Variants in SYNE1 observed in about 807,000 individuals in gnomAD.
SYNE1 encodes the protein nesprin-1.
Under a neutral mutation model 1,111.0 loss-of-function variants are expected in SYNE1, and 616 were observed. The observed-to-expected ratio is 0.55, with a 90% CI of 0.52 to 0.59. The LOEUF is 0.59. SYNE1 is among the 20% of genes least tolerant of loss of function. The pLI, the probability that SYNE1 is intolerant of heterozygous loss-of-function variation, is 0.00. For synonymous variants in SYNE1, 3,855 were observed against 3,825.8 expected (o/e 1.01, Z -0.28); for missense variants, 10,006 against 10,417.0 (o/e 0.96, Z 1.72).
chr6:152,376,471 C>T lies in SYNE1; in HGVS notation c.9234G>A (p.Gln3078=). Residue 3078 remains glutamine, a synonymous_variant, in exon 58 of 146, where the codon CAG becomes CAA. Transcript: ENST00000367255. ...RFRKAFRDFQ[Q]WLVNAKITTA... ...TAGTGATTTTTGCATTAACCAACCA[C>T]TGCTGGAAATCCCTGAAGGCCTTTC... 1 of 1,614,210 alleles carries T rather than the reference C, an allele frequency of 6.2e-7. No homozygotes were observed. The highest frequency in any genetic ancestry group is 8.5e-7 in the Non-Finnish European group (1 of 1,180,042).
chr6:152,597,362 C>T (rs929263533), intron 3 of SYNE1, among the ~76,000 whole-genome samples: 1 of 152,178 alleles, frequency 6.6e-6, no homozygotes, highest in Non-Finnish European at 1.5e-5. Flanking sequence ...ACTGCAGCCT[C>T]GACCTTGTGG....
At position 152,385,509 on chromosome 6, in the gene SYNE1, T is replaced by C. The variant is rs1192783140; in HGVS notation, c.8652+165A>G. Among the ~76,000 whole-genome samples, 5 of 152,360 alleles carry C rather than the reference T, an allele frequency of 3.3e-5. No individual in the cohort carries two copies. The East Asian group carries it at 9.6e-4, about 29-fold the overall frequency. On this transcript the variant is annotated intron_variant, in intron 55 of 145. Coordinates refer to ENST00000367255, the MANE Select transcript of SYNE1 (RefSeq NM_182961.4). Reference sequence around the variant, plus strand: ...TTGTGCTCATAAGTGTAAAGTCTTTTGAATTCTTCTCATGACTCTTGTTTA... The same window carrying C: ...TTGTGCTCATAAGTGTAAAGTCTTTCGAATTCTTCTCATGACTCTTGTTTA...
At position 152,220,997 on chromosome 6, in the gene SYNE1, C is replaced by G. The variant is rs202121741; in HGVS notation, c.21706G>C (p.Ala7236Pro). 6.2e-7 allele frequency: 1 copy of G among 1,614,136 alleles called. No homozygotes were observed. The highest frequency in any genetic ancestry group is 8.5e-7 in the Non-Finnish European group (1 of 1,179,998). The change falls in exon 119 of 146, where the codon GCC becomes CCC. Residue 7236 changes from alanine to proline, a missense_variant. By Grantham distance (27) the Ala-to-Pro change is conservative. Transcript: ENST00000367255. ...TATCTTTGCCAAAGCTGAAGTAGGG[C>G]CTTGCTGGACTGTAGCTGCTCAGCA... Reference protein sequence around the residue: ...EIAEQLQSSKALLQLWQRYKD... With the variant: ...EIAEQLQSSKPLLQLWQRYKD...
intron 3 of SYNE1, among the ~76,000 whole-genome samples, chr6:152,587,475 T>C (rs2099543906): frequency 6.6e-6 from 1 of 152,082 alleles, no homozygotes; most frequent in South Asian, 2.1e-4. Flanking sequence ...AGACCAATAT[T>C]GGAGAAAATC....
At chr6:152,461,981 T>C (rs1205759639) in intron 20 of SYNE1, among the ~76,000 whole-genome samples, 2 of 152,136 alleles carry the variant, frequency 1.3e-5, no homozygotes, top group Non-Finnish European at 2.9e-5. Context: ...AAATGATCTT[T>C]GTACTTTCCA....
chr6:152,401,548 A>G (rs1037859015), intron 46 of SYNE1, among the ~76,000 whole-genome samples: 6 of 152,154 alleles, frequency 3.9e-5, no homozygotes, highest in African/African-American at 1.4e-4. Flanking sequence ...TAGAAAGAGG[A>G]AGGATTGTGT....
intron 48 of SYNE1, 62 bp from the exon 49 acceptor site, chr6:152,398,793 A>C (rs2097771951): frequency 2.3e-6 from 3 of 1,279,234 alleles, no homozygotes; most frequent in Non-Finnish European, 3.3e-6. Context: ...AAAACATTGA[A>C]TGGGCTCCCA....
At chr6:152,603,490 C>T (rs974679560) in intron 3 of SYNE1, among the ~76,000 whole-genome samples, 2 of 151,980 alleles carry the variant, frequency 1.3e-5, no homozygotes, top group African/African-American at 4.8e-5. Context: ...ACATAAGTTT[C>T]CTTTCAGAAC....
chr6:152,571,683 T>C (rs2099459660), intron 3 of SYNE1, among the ~76,000 whole-genome samples: 1 of 152,122 alleles, frequency 6.6e-6, no homozygotes, highest in African/African-American at 2.4e-5. Context: ...AGAAAATGGG[T>C]CTCAGGAAAC....
At chr6:152,394,389 A>T (rs1299295784) in intron 51 of SYNE1, among the ~76,000 whole-genome samples, 15 of 151,752 alleles carry the variant, frequency 9.9e-5, no homozygotes. Context: ...TCTTATGTAG[A>T]TGCACTGGCT....
intron 111 of SYNE1, 34 bp downstream of exon 111, chr6:152,234,634 G>A (rs772831018): frequency 5.6e-6 from 9 of 1,613,722 alleles, no homozygotes; most frequent in Middle Eastern, 3.3e-4. Context: ...TAACTTATAG[G>A]CCTGAATCAA....
chr6:152,169,705 G>A (rs185070754), intron 130 of SYNE1, among the ~76,000 whole-genome samples: 1 of 150,402 alleles, frequency 6.6e-6, no homozygotes, highest in African/African-American at 2.4e-5. Flanking sequence ...AATGAAGTGG[G>A]AGGAAGACTG....
chr6:152,472,396 C>G lies in SYNE1; in HGVS notation c.1368G>C (p.Thr456=), dbSNP rs745809986. 1 of 1,613,526 alleles carries G rather than the reference C, an allele frequency of 6.2e-7. No homozygotes were observed. The highest frequency in any genetic ancestry group is 1.1e-5 in the South Asian group (1 of 90,994). ...CATGGAATGCTCTTTTGTGGGCATC[C>G]GTGTTTTGAAGCAGATCCTAAGATA... ...LEQHKDLLQN[T]DAHKRAFHEI... Residue 456 remains threonine, a synonymous_variant, in exon 15 of 146, where the codon ACG becomes ACC. Coordinates refer to ENST00000367255, the MANE Select transcript of SYNE1 (RefSeq NM_182961.4).
intron 6 of SYNE1, among the ~76,000 whole-genome samples, chr6:152,513,035 A>T (rs536477896): frequency 6.6e-6 from 1 of 152,284 alleles, no homozygotes; most frequent in East Asian, 1.9e-4. Flanking sequence ...GAGATATAGA[A>T]TCTGAGACTT....
chr6:152,277,775 A>T, intron 98 of SYNE1: 1 of 435,036 alleles, frequency 2.3e-6, no homozygotes, highest in East Asian at 5.0e-5. Context: ...ACTTTACAGC[A>T]ACACTCCTGG....
intron 38 of SYNE1, 54 bp from the exon 39 acceptor site, chr6:152,425,601 A>T: frequency 1.2e-6 from 2 of 1,603,962 alleles, no homozygotes; most frequent in South Asian, 2.2e-5. Flanking sequence ...AAAAGTAAGG[A>T]CCATGCGGCA....
At chr6:152,533,788 A>G (rs2099217901) in intron 4 of SYNE1, among the ~76,000 whole-genome samples, 1 of 152,010 alleles carries the variant, frequency 6.6e-6, no homozygotes, top group Non-Finnish European at 1.5e-5. Flanking sequence ...TCACTGCTAC[A>G]TTTTCAGCAC....
intron 25 of SYNE1, among the ~76,000 whole-genome samples, chr6:152,452,929 T>G (rs1431092187): frequency 4.6e-5 from 7 of 152,262 alleles, no homozygotes; most frequent in Non-Finnish European, 1.0e-4. Flanking sequence ...TTTCTGCTTC[T>G]TCTGTAAAGT....
Position 152,484,933 on chromosome 6 carries a change from T to G in SYNE1, c.1087A>C (p.Lys363Gln). ...HFRVQYEMKR[K>Q]QIEHLIQPLH... ...GGTTGTATTAAATGTTCAATCTGTT[T>G]CCTCTTCATTTCATATTGAACTCTG... is the stretch of plus-strand genomic sequence containing the variant. Residue 363 changes from lysine to glutamine, a missense_variant, in exon 13 of 146, where the codon AAA becomes CAA. Coordinates refer to ENST00000367255, the MANE Select transcript of SYNE1 (RefSeq NM_182961.4). The G allele has an allele frequency of 6.2e-7, 1 of 1,613,342 alleles. No homozygotes were observed. The highest frequency in any genetic ancestry group is 8.5e-7 in the Non-Finnish European group (1 of 1,179,736).
Sources: allele counts gnomAD v4.1 joint callset (sites outside exome capture counted in the v4.1 genomes callset), GRCh38; gene constraint gnomAD v4.1.1; transcripts MANE v1.5; gene names NCBI Gene and HGNC (gene_info 2026-07-23, HGNC 2026-07-21).